Variants in COL22A1 observed in about 807,000 individuals in gnomAD.
COL22A1 encodes collagen type XXII alpha 1 chain.
COL22A1 carries 221 observed loss-of-function variants against 248.9 expected under a neutral mutation model. The ratio of observed to expected loss-of-function variants is 0.89; its 90% confidence interval spans 0.80 to 0.99. The LOEUF is 0.99. Among genes scored for constraint, COL22A1 ranks in the 50% least tolerant of loss-of-function variants. The pLI is 0.00. For synonymous variants in COL22A1, 891 were observed against 793.4 expected (o/e 1.12, Z -2.07); for missense variants, 2,240 against 2,179.0 (o/e 1.03, Z -0.56).
intron 27 of COL22A1, among the ~76,000 whole-genome samples, chr8:138,717,175 TCTCA>T (rs1470633352): frequency 6.6e-6 from 1 of 152,072 alleles, no homozygotes; most frequent in East Asian, 1.9e-4. Flanking sequence ...TGAGACGGAG[TCTCA>T]CTCAGTCACT....
In COL22A1 at chr8:138,655,999, C is replaced by G. The variant is rs1823224186; in HGVS notation, c.3286-55G>C. 7.8e-6 allele frequency: 11 copies of G among 1,407,174 alleles called. No homozygotes were observed. The African/African-American group carries it at 1.0e-4, about 13-fold the overall frequency. The allele number at this position is 1,407,174 out of a possible 1,614,324, so 87.2% of individuals were successfully genotyped here. ...CGTACATGCATATATACAATAAATCCCAGGCATCTTCAGAAAGCAAAAGGA... is the reference window on the plus strand; with the variant it reads ...CGTACATGCATATATACAATAAATCGCAGGCATCTTCAGAAAGCAAAAGGA... On this transcript the variant is annotated intron_variant, in intron 44 of 64. Transcript: ENST00000303045.
intron 10 of COL22A1, among the ~76,000 whole-genome samples, chr8:138,806,214 A>AATGTGTGATAGTGTGTGCG (rs1817712494): frequency 3.3e-5 from 1 of 30,228 alleles, no homozygotes; most frequent in Admixed American, 3.2e-4. Context: ...TGGCATGTGT[A>AATGTGTGATAGTGTGTGCG]TGTGTGATGG....
intron 2 of COL22A1, among the ~76,000 whole-genome samples, chr8:138,881,528 A>G (rs1208381224): frequency 6.6e-6 from 1 of 152,004 alleles, no homozygotes; most frequent in Admixed American, 6.5e-5. Context: ...TACTAAAAAT[A>G]CAAAAAATTA....
intron 3 of COL22A1, among the ~76,000 whole-genome samples, chr8:138,871,663 G>A (rs1406268375): frequency 6.6e-6 from 1 of 152,174 alleles, no homozygotes; most frequent in African/African-American, 2.4e-5. Context: ...GTACCTGAAA[G>A]ATAATAGAAG....
chr8:138,646,535 T>G, intron 47 of COL22A1, 94 bp downstream of exon 47: 1 of 943,328 alleles, frequency 1.1e-6, no homozygotes, highest in South Asian at 2.4e-5. Flanking sequence ...TTAAAACCAC[T>G]CCTTTACACT....
At chr8:138,875,352 T>C (rs1424117452) in intron 3 of COL22A1, among the ~76,000 whole-genome samples, 7 of 152,136 alleles carry the variant, frequency 4.6e-5, no homozygotes, top group Non-Finnish European at 1.0e-4. Flanking sequence ...GGGTTGTCTT[T>C]GCCATTCTCA....
intron 54 of COL22A1, 134 bp downstream of exon 54, chr8:138,616,780 G>A: frequency 1.0e-6 from 1 of 961,992 alleles, no homozygotes; most frequent in East Asian, 2.5e-5. Context: ...GTGCTGGCTT[G>A]CTCCATGCTG....
Position 138,594,052 on chromosome 8 carries a change from C to G in COL22A1, c.4580G>C (p.Gly1527Ala). ...MGEPGRPGQGGLEGPSGPIGP... is the reference protein window; with the variant it reads ...MGEPGRPGQGALEGPSGPIGP... Reference sequence around the variant, plus strand: ...TATGGGTCCAGAGGGTCCTTCCAGACCCCCCTGCCCAGGACGACCTGGCTC... The same window carrying G: ...TATGGGTCCAGAGGGTCCTTCCAGAGCCCCCTGCCCAGGACGACCTGGCTC... The change falls in exon 63 of 65, where the codon GGT (glycine) becomes GCT (alanine). Residue 1527 changes from glycine (G) to alanine (A), a missense_variant. Gly to Ala is a moderately conservative substitution (Grantham distance 60). Coordinates refer to ENST00000303045, the MANE Select transcript of COL22A1 (RefSeq NM_152888.3). 6.3e-7 allele frequency: 1 copy of G among 1,584,970 alleles called. No homozygotes were observed. Among genetic ancestry groups the G allele is most frequent in the Non-Finnish European group, 8.5e-7 (1 of 1,170,152 alleles).
intron 46 of COL22A1, among the ~76,000 whole-genome samples, chr8:138,648,034 G>A (rs1252720668): frequency 6.6e-6 from 1 of 152,202 alleles, no homozygotes; most frequent in East Asian, 1.9e-4. Flanking sequence ...CCATGACATG[G>A]ATGTAAGTAC....
In COL22A1 at chr8:138,897,949, G is replaced by T. The variant is rs1157679602; in HGVS notation, c.-72-14705C>A. Among the ~76,000 whole-genome samples the T allele has an allele frequency of 2.6e-5, 4 of 152,086 alleles. No homozygotes were observed. In the East Asian group the frequency reaches 7.7e-4, roughly 29 times the overall value. On this transcript the variant is annotated intron_variant, in intron 1 of 64. Transcript: ENST00000303045. Reference sequence around the variant, plus strand: ...CAAGATCAAGGCACCCACAGATTGGGTGTCTGGCAAGTGCTTGCTTTCTGA... The same window carrying T: ...CAAGATCAAGGCACCCACAGATTGGTTGTCTGGCAAGTGCTTGCTTTCTGA...
intron 16 of COL22A1, among the ~76,000 whole-genome samples, chr8:138,763,657 C>T (rs950451688): frequency 1.3e-5 from 2 of 152,286 alleles, no homozygotes; most frequent in African/African-American, 4.8e-5. Context: ...CTCCCACCTG[C>T]ACCCCAGCAG....
chr8:138,605,729 G>T (rs1346407560), intron 58 of COL22A1, among the ~76,000 whole-genome samples: 1 of 152,128 alleles, frequency 6.6e-6, no homozygotes, highest in Non-Finnish European at 1.5e-5. Flanking sequence ...GACACCAGAG[G>T]GCTCCACTTG....
Position 138,821,344 on chromosome 8 carries a change from G to T in COL22A1, c.1037C>A (p.Ala346Asp). 1 of 1,614,162 alleles carries T rather than the reference G, an allele frequency of 6.2e-7. No individual in the cohort carries two copies. Among genetic ancestry groups the T allele is most frequent in the Non-Finnish European group, 8.5e-7 (1 of 1,180,006 alleles). Reference sequence around the variant, plus strand: ...AGAACCTCGGAAGACCACCCTGACAGCATCTTTCATGGCACCCACAGCGTT... The same window carrying T: ...AGAACCTCGGAAGACCACCCTGACATCATCTTTCATGGCACCCACAGCGTT... The part of the protein sequence containing the change: ...EYNAVGAMKD[A>D]VRVVFRGSRV... The change falls in exon 7 of 65, where the codon GCT becomes GAT. Residue 346 changes from alanine (A) to aspartate (D), a missense_variant. Coordinates refer to ENST00000303045, the MANE Select transcript of COL22A1 (RefSeq NM_152888.3).
At chr8:138,833,252 C>T in intron 4 of COL22A1, 102 bp from the exon 5 acceptor site, 2 of 774,296 alleles carry the variant, frequency 2.6e-6, no homozygotes, top group Admixed American at 1.9e-5. Flanking sequence ...GCCCATCCTG[C>T]CCCAGGAGAA....
At chr8:138,913,359 G>C (rs1340437142) in intron 1 of COL22A1, among the ~76,000 whole-genome samples, 1 of 152,176 alleles carries the variant, frequency 6.6e-6, no homozygotes, top group Non-Finnish European at 1.5e-5. Flanking sequence ...AATCAAACAG[G>C]TGTGTTCTCA....
intron 16 of COL22A1, among the ~76,000 whole-genome samples, chr8:138,771,961 G>A (rs550037278): frequency 2.4e-4 from 37 of 152,284 alleles, no homozygotes; most frequent in Admixed American, 8.5e-4. Flanking sequence ...CGATGGAGAC[G>A]GTTCCTGCTG....
intron 12 of COL22A1, among the ~76,000 whole-genome samples, chr8:138,785,012 C>A (rs1357764651): frequency 6.6e-6 from 1 of 152,190 alleles, no homozygotes; most frequent in Non-Finnish European, 1.5e-5. Context: ...CCTCACCCTA[C>A]CTTCGGGCAC....
chr8:138,622,235 C>T (rs1483828504), intron 52 of COL22A1, among the ~76,000 whole-genome samples: 1 of 152,138 alleles, frequency 6.6e-6, no homozygotes, highest in Non-Finnish European at 1.5e-5. Flanking sequence ...GTTAGATAAG[C>T]CTGATGCATC....
intron 3 of COL22A1, among the ~76,000 whole-genome samples, chr8:138,849,137 C>A (rs1821451140): frequency 2.6e-5 from 4 of 152,190 alleles, no homozygotes; most frequent in Admixed American, 2.6e-4. Context: ...ATGGCAGACA[C>A]AAGGGCCCAA....
Sources: gnomAD v4.1 joint callset for allele counts (sites outside exome capture counted in the v4.1 genomes callset) on GRCh38, gnomAD v4.1.1 for gene constraint, MANE v1.5 for transcripts, NCBI Gene and HGNC (gene_info 2026-07-23, HGNC 2026-07-21) for gene names.